The following MYO1H variants were observed in gnomAD, a reference collection of about 807,000 sequenced individuals.
MYO1H encodes myosin IH, also known as unconventional myosin-Ih.
A neutral mutation model predicts 149.3 loss-of-function variants in MYO1H; 118 were observed. That is an observed-to-expected ratio of 0.79 (90% CI 0.68 to 0.92). The LOEUF (loss-of-function observed/expected upper bound fraction) is 0.92, where lower values mean the gene tolerates loss of function less well. MYO1H is among the 40% of genes least tolerant of loss of function. MYO1H has a pLI of 0.00. For synonymous variants in MYO1H, 447 were observed against 465.2 expected, an observed-to-expected ratio of 0.96 and a Z score of 0.50; for missense variants, 1,212 against 1,280.7, an observed-to-expected ratio of 0.95 and a Z score of 0.82.
the MYO1H span, among the ~76,000 whole-genome samples, chr12:109,316,778 G>A: frequency 1.7e-3 from 257 of 152,188 alleles, no homozygotes; most frequent in Admixed American, 4.8e-3. Context: ...AGGTCCTAGC[G>A]CCTGACTTGT....
At chr12:109,358,846 TAAA>T (rs541289093) in intron 1 of MYO1H, among the ~76,000 whole-genome samples, 20,889 of 83,846 alleles carry the variant, frequency 0.25, 2,439 homozygotes, top group East Asian at 0.37. Context: ...CCTGTGGTGT[TAAA>T]AAAAAAAAAA....
intron 24 of MYO1H, among the ~76,000 whole-genome samples, chr12:109,440,212 T>C (rs1233613600): frequency 6.6e-6 from 1 of 152,154 alleles, no homozygotes; most frequent in African/African-American, 2.4e-5. Flanking sequence ...ATTTTTGTAT[T>C]TTTAGTAGAG....
intron 1 of MYO1H, among the ~76,000 whole-genome samples, chr12:109,367,323 G>A (rs923580031): frequency 6.6e-6 from 1 of 152,094 alleles, no homozygotes; most frequent in African/African-American, 2.4e-5. Context: ...GTGGATCATA[G>A]AAAAAGAGAT....
chr12:109,333,421 C>T, the MYO1H span, among the ~76,000 whole-genome samples: 2 of 152,252 alleles, frequency 1.3e-5, no homozygotes, highest in African/African-American at 4.8e-5. Context: ...ATTGCCTTCT[C>T]TTGCTTGTTT....
chr12:109,402,919 A>G (rs1336430955), intron 6 of MYO1H, among the ~76,000 whole-genome samples: 1 of 152,190 alleles, frequency 6.6e-6, no homozygotes, highest in African/African-American at 2.4e-5. Flanking sequence ...TTATTCCTGT[A>G]GATTTTTTTA....
At chr12:109,390,809 G>A (rs1188278972) in intron 2 of MYO1H, among the ~76,000 whole-genome samples, 1 of 152,032 alleles carries the variant, frequency 6.6e-6, no homozygotes, top group Non-Finnish European at 1.5e-5. Flanking sequence ...GGGATTACAG[G>A]CATCCGCCAC....
At position 109,439,742 on chromosome 12, in the gene MYO1H, G is replaced by C. The variant is rs778811975; in HGVS notation, c.2406G>C (p.Lys802Asn). 2.2e-5 allele frequency: 35 copies of C among 1,613,870 alleles called. 1 individual carries two copies. The South Asian group carries it at 3.8e-4, about 18-fold the overall frequency. ...TGAATCTCCGGTATCACCTTCCAAA[G>C]ACTGTCCTGGACAAGAGCTGGCTGA... Residue 802 changes from lysine to asparagine, a missense_variant, in exon 24 of 32, where the codon AAG becomes AAC. Transcript: ENST00000310903.
At chr12:109,343,560 T>C (rs10850056), upstream of MYO1H, among the ~76,000 whole-genome samples, 81,884 of 152,000 alleles carry the variant, frequency 0.54, 22,993 homozygotes, top group African/African-American at 0.68. Context: ...CACCTAGGTA[T>C]TCCTGCTATC....
chr12:109,315,269 A>G, the MYO1H span, among the ~76,000 whole-genome samples: 1 of 152,180 alleles, frequency 6.6e-6, no homozygotes, highest in African/African-American at 2.4e-5. Flanking sequence ...GAATTTGGCC[A>G]CTTTGTGTAT....
chr12:109,313,434 C>T, the MYO1H span, among the ~76,000 whole-genome samples: 2 of 152,102 alleles, frequency 1.3e-5, no homozygotes, highest in African/African-American at 2.4e-5. Context: ...TATTTTTTTC[C>T]CCTTTAGGAG....
chr12:109,356,326 A>G (rs191918506), intron 1 of MYO1H, among the ~76,000 whole-genome samples: 83 of 152,268 alleles, frequency 5.5e-4, no homozygotes, highest in African/African-American at 1.9e-3. Flanking sequence ...TTCCAGAGAA[A>G]GATAGCTGTG....
chr12:109,332,498 C>T, the MYO1H span, among the ~76,000 whole-genome samples: 1 of 152,244 alleles, frequency 6.6e-6, no homozygotes, highest in Non-Finnish European at 1.5e-5. Flanking sequence ...CTTGTGGCCA[C>T]AGACCAAGTG....
chr12:109,434,152 G>A (rs1283918443), intron 20 of MYO1H, among the ~76,000 whole-genome samples: 1 of 152,116 alleles, frequency 6.6e-6, no homozygotes. Flanking sequence ...TGGGATTACA[G>A]GTGCACACTA....
intron 28 of MYO1H, 91 bp downstream of exon 28, chr12:109,443,740 T>G: frequency 1.4e-6 from 2 of 1,476,856 alleles, no homozygotes; most frequent in Non-Finnish European, 1.8e-6. Flanking sequence ...GAAACACAAG[T>G]GTAGGGTGCC....
chr12:109,447,586 C>T (rs1323005506), exon 32 of MYO1H: 5 of 216,026 alleles, frequency 2.3e-5, no homozygotes, highest in Non-Finnish European at 4.8e-5. Context: ...GTTGATAAGA[C>T]ATCTGATTCC....
At chr12:109,439,675 A>G (rs745642453) in exon 24 of MYO1H, 1 of 1,613,824 alleles carries the variant, frequency 6.2e-7, no homozygotes. Flanking sequence ...CTCTGTCCTG[A>G]CAACGAGGAA....
chr12:109,405,235 G>GGATA (rs1344911793), intron 7 of MYO1H, among the ~76,000 whole-genome samples: 12 of 151,766 alleles, frequency 7.9e-5, no homozygotes, highest in Non-Finnish European at 1.2e-4. Context: ...ATAGATGGAT[G>GGATA]GATAGATAGA....
chr12:109,446,687 A>G (rs1414120540), intron 31 of MYO1H, among the ~76,000 whole-genome samples: 5 of 152,148 alleles, frequency 3.3e-5, no homozygotes. Context: ...TTGCTTGAAC[A>G]CAGGAGGCGG....
chr12:109,389,727 G>A (rs964495828), intron 2 of MYO1H, among the ~76,000 whole-genome samples: 9 of 152,144 alleles, frequency 5.9e-5, no homozygotes, highest in Admixed American at 1.3e-4. Flanking sequence ...TGTGTGTGTC[G>A]TGGGTGTTAT....
Sources: allele counts gnomAD v4.1 joint callset (sites outside exome capture counted in the v4.1 genomes callset), GRCh38; gene constraint gnomAD v4.1.1; transcripts MANE v1.5; gene names NCBI Gene and HGNC (gene_info 2026-07-23, HGNC 2026-07-21).